The following CGGBP1 variants were observed in gnomAD, a reference collection of about 807,000 sequenced individuals.
The protein encoded by CGGBP1 is CGG triplet repeat-binding protein 1.
In CGGBP1, 4 loss-of-function variants were observed where a neutral mutation model predicts 11.4. That is an observed-to-expected ratio of 0.35 (90% CI 0.17 to 0.80). CGGBP1 has a LOEUF of 0.80. CGGBP1 is among the 30% of genes least tolerant of loss of function. CGGBP1 has a pLI of 0.52. For synonymous variants in CGGBP1, 76 were observed against 74.1 expected (o/e 1.03, Z -0.13); for missense variants, 135 against 202.1 (o/e 0.67, Z 2.01).
intron 2 of CGGBP1, among the ~76,000 whole-genome samples, chr3:88,075,743 G>A (rs567858889): frequency 1.2e-3 from 178 of 152,034 alleles, no homozygotes; most frequent in Non-Finnish European, 2.3e-3. Flanking sequence ...AATTTGCCTC[G>A]CCTATCTTCC....
chr3:88,124,670 C>T (rs184858943), intron 2 of CGGBP1, among the ~76,000 whole-genome samples: 2 of 152,004 alleles, frequency 1.3e-5, no homozygotes, highest in African/African-American at 4.8e-5. Flanking sequence ...AATTCTGAAG[C>T]TTTGCTTTAT....
chr3:88,110,609 C>CT (rs926205310), intron 2 of CGGBP1, among the ~76,000 whole-genome samples: 7 of 152,106 alleles, frequency 4.6e-5, no homozygotes, highest in African/African-American at 1.7e-4. Context: ...TTGCTGTAGA[C>CT]TGTTACTCAT....
At position 88,052,183 on chromosome 3, in the gene CGGBP1, T is replaced by G. The variant is rs1338587519; in HGVS notation, c.*3290A>C. The G allele has an allele frequency of 6.6e-6, 1 of 152,634 alleles. No homozygotes were observed. Among genetic ancestry groups the G allele is most frequent in the African/African-American group, 2.4e-5 (1 of 41,448 alleles). The allele number at this position is 152,634 out of a possible 1,614,324, so 9.5% of individuals were successfully genotyped here. On this transcript the variant is annotated 3_prime_UTR_variant, in exon 4 of 4. Transcript: ENST00000482016. ...TGAATACAAGTAGAATACCACTAGA[T>G]AAGAATTGTATTTACCTAAGAAATC...
Position 88,058,605 on chromosome 3 carries a change from G to C in CGGBP1, c.-331+210C>G, listed in dbSNP as rs536995627. Among the ~76,000 whole-genome samples the C allele has an allele frequency of 1.6e-4, 24 of 152,334 alleles. No homozygotes were observed. The East Asian group carries it at 3.3e-3, about 21-fold the overall frequency. Reference sequence around the variant, plus strand: ...GTGCCAGCTGTGGGCCCGGGAACTCGACAGCCGACTTGGCGGCAGTCTCAA... The same window carrying C: ...GTGCCAGCTGTGGGCCCGGGAACTCCACAGCCGACTTGGCGGCAGTCTCAA... On this transcript the variant is annotated intron_variant, in intron 1 of 3. Transcript: ENST00000482016.
chr3:88,121,331 G>GT (rs1279671421), intron 2 of CGGBP1, among the ~76,000 whole-genome samples: 1 of 151,972 alleles, frequency 6.6e-6, no homozygotes, highest in East Asian at 1.9e-4. Flanking sequence ...AAATTCTTAA[G>GT]TTTTTTAATG....
In CGGBP1 at chr3:88,057,721, T is replaced by C. The variant is rs1047604185; in HGVS notation, c.-126+298A>G. On this transcript the variant is annotated intron_variant, in intron 2 of 3. Transcript: ENST00000482016. ...ATTTGGATTTCAAAAACAATAAGCATGTAATTCTTTATAGCATAAAATGCT... is the reference window on the plus strand; with the variant it reads ...ATTTGGATTTCAAAAACAATAAGCACGTAATTCTTTATAGCATAAAATGCT... 3.7e-4 allele frequency: 57 copies of C among 152,240 alleles called. 2 individuals carry two copies. The allele number at this position is 152,240 out of a possible 1,614,324, so 9.4% of individuals were successfully genotyped here.
chr3:88,075,423 CTT>C (rs1707745463), intron 2 of CGGBP1, among the ~76,000 whole-genome samples: 1 of 152,166 alleles, frequency 6.6e-6, no homozygotes, highest in Non-Finnish European at 1.5e-5. Flanking sequence ...TAAAAACACT[CTT>C]TTTGTGCCCT....
chr3:88,101,458 T>G (rs1254447213), intron 2 of CGGBP1, among the ~76,000 whole-genome samples: 1 of 152,230 alleles, frequency 6.6e-6, no homozygotes, highest in East Asian at 1.9e-4. Flanking sequence ...AAAATATTCT[T>G]TTAAATGACT....
At chr3:88,129,500 T>C (rs1706322481) in intron 2 of CGGBP1, among the ~76,000 whole-genome samples, 1 of 152,102 alleles carries the variant, frequency 6.6e-6, no homozygotes, top group African/African-American at 2.4e-5. Flanking sequence ...AAAGTAGTCA[T>C]TGTAAAATGT....
chr3:88,141,165 G>T, intron 1 of CGGBP1: 1 of 1,166,536 alleles, frequency 8.6e-7, no homozygotes. Context: ...AGGTAGTGAA[G>T]CATTACTCCA....
intron 2 of CGGBP1, among the ~76,000 whole-genome samples, chr3:88,079,009 T>C (rs758400065): frequency 5.3e-5 from 8 of 152,052 alleles, no homozygotes; most frequent in Non-Finnish European, 1.0e-4. Flanking sequence ...AAAAAGTCAG[T>C]GTTGAAGGTT....
chr3:88,095,642 AAT>A (rs1704014452), intron 2 of CGGBP1: 3 of 504,588 alleles, frequency 5.9e-6, no homozygotes, highest in African/African-American at 5.9e-5. Context: ...AGCCCCAAGC[AAT>A]ATCATCACTC....
chr3:88,099,285 G>A (rs1303792267), intron 2 of CGGBP1, among the ~76,000 whole-genome samples: 4 of 152,036 alleles, frequency 2.6e-5, no homozygotes, highest in Non-Finnish European at 4.4e-5. Flanking sequence ...GGATGTGAAG[G>A]ACCTCTTCAA....
chr3:88,055,645 C>A lies in CGGBP1; in HGVS notation c.332G>T (p.Cys111Phe). The A allele has an allele frequency of 6.2e-7, 1 of 1,614,214 alleles. No individual in the cohort carries two copies. Among genetic ancestry groups the A allele is most frequent in the Non-Finnish European group, 8.5e-7 (1 of 1,180,026 alleles). The change falls in exon 4 of 4, where the codon TGC (cysteine) becomes TTC (phenylalanine). Residue 111 changes from cysteine (C) to phenylalanine (F), a missense_variant. By Grantham distance (205) the Cys-to-Phe change is radical. Transcript: ENST00000482016. The surrounding 1 kb of genome is among the most constrained non-coding windows in gnomAD (Gnocchi z 4.2). ...CTCAAGTGGGATGTTGGCTTCCAGG[C>A]ACATTTTCACAAAGTCCTGGATAAC... ...VSVIQDFVKM[C>F]LEANIPLEKA...
chr3:88,135,489 T>C (rs1373442124), intron 2 of CGGBP1: 10 of 202,396 alleles, frequency 4.9e-5, no homozygotes, highest in Non-Finnish European at 7.9e-5. Flanking sequence ...ATCCCATTTA[T>C]AGAATCTTAA....
intron 2 of CGGBP1, among the ~76,000 whole-genome samples, chr3:88,111,054 T>G (rs1421050536): frequency 6.6e-6 from 1 of 152,046 alleles, no homozygotes; most frequent in Non-Finnish European, 1.5e-5. Flanking sequence ...TGGGTTCATT[T>G]CTGTGTTTTA....
At chr3:88,078,522 C>A (rs753460291) in intron 2 of CGGBP1, among the ~76,000 whole-genome samples, 3 of 151,986 alleles carry the variant, frequency 2.0e-5, no homozygotes, top group Non-Finnish European at 4.4e-5. Context: ...TAGATAGGGG[C>A]AAATATTCTG....
rs144342483 is a variant in CGGBP1, at chr3:88,094,017, G to A, written c.-228-35794C>T. 3.0e-3 allele frequency among the ~76,000 whole-genome samples: 452 copies of A among 151,934 alleles called. 5 individuals carry two copies. Among genetic ancestry groups the A allele is most frequent in the African/African-American group, 0.01 (428 of 41,430 alleles). On this transcript the variant is annotated intron_variant, in intron 2 of 3. Transcript: ENST00000462901. ...TATCTATTGTCTTTACTAATCATTT[G>A]TGACATGTGAACTTAGTCATTTGAG...
At chr3:88,069,703 T>C (rs1707401234) in intron 2 of CGGBP1, among the ~76,000 whole-genome samples, 1 of 152,174 alleles carries the variant, frequency 6.6e-6, no homozygotes, top group South Asian at 2.1e-4. Context: ...AAAGTTGACA[T>C]TATAGAGTGT....
Sources: allele counts gnomAD v4.1 joint callset (sites outside exome capture counted in the v4.1 genomes callset), GRCh38; gene constraint gnomAD v4.1.1; non-coding constraint Gnocchi (gnomAD v3.1); transcripts MANE v1.5; gene names NCBI Gene and HGNC (gene_info 2026-07-23, HGNC 2026-07-21).